Variants in GSG1L2 observed in about 807,000 individuals in gnomAD.
GSG1L2 encodes the protein GSG1 like 2, also known as germ cell-specific gene 1-like protein 2.
A neutral mutation model predicts 9.0 loss-of-function variants in GSG1L2; 15 were observed. That is an observed-to-expected ratio of 1.67 (90% confidence interval 1.12 to 2.57). GSG1L2 has a LOEUF of 2.57. GSG1L2 is among the 30% of genes most tolerant of loss of function. The pLI is 0.00. For missense variants in GSG1L2, 286 were observed against 150.3 expected, an observed-to-expected ratio of 1.90 and a Z score of -4.72; for synonymous variants, 127 against 57.9, an observed-to-expected ratio of 2.19 and a Z score of -5.41.
chr17:9,819,742 C>G (rs1474111541), intron 1 of GSG1L2, among the ~76,000 whole-genome samples: 2 of 152,064 alleles, frequency 1.3e-5, no homozygotes, highest in African/African-American at 4.8e-5. Context: ...AGGCGATTCT[C>G]CTGCCTCAGC....
In GSG1L2 at chr17:9,804,786, A is replaced by G. The variant is rs1397022364; in HGVS notation, c.624-2142T>C. On this transcript the variant is annotated intron_variant, in intron 4 of 4. Transcript: ENST00000399363. ...TTATCCTTGACAATCAAAGATGCCA[A>G]CGTTTGGGGGAAAGGTCCAACAACA... 3.9e-5 allele frequency: 6 copies of G among 152,238 alleles called. No individual in the cohort carries two copies. The East Asian group carries it at 1.2e-3, about 29-fold the overall frequency. The allele number at this position is 152,238 out of a possible 1,614,324, so 9.4% of individuals were successfully genotyped here. A position where few individuals can be genotyped will look rare whatever the true frequency, so the allele number is the denominator to read the frequency against.
At position 9,800,778 on chromosome 17, in the gene GSG1L2, T is replaced by A. The variant is rs571884821; in HGVS notation, c.*1608A>T. 6.6e-6 allele frequency among the ~76,000 whole-genome samples: 1 copy of A among 152,138 alleles called. No individual in the cohort carries two copies. The highest frequency in any genetic ancestry group is 1.5e-5 in the Non-Finnish European group (1 of 68,036). On this transcript the variant is annotated 3_prime_UTR_variant, in exon 5 of 5. Coordinates refer to ENST00000399363, the MANE Select transcript of GSG1L2 (RefSeq NM_001310219.2). ...CACAGGACCTGCCTACATGAATACA[T>A]AGGGATGAAAAACCATATGAAAGAA... is the stretch of plus-strand genomic sequence containing the variant.
chr17:9,813,631 C>CCTCA (rs1476446764), intron 1 of GSG1L2, among the ~76,000 whole-genome samples: 1 of 152,218 alleles, frequency 6.6e-6, no homozygotes, highest in East Asian at 1.9e-4. Flanking sequence ...ACACCTCAGT[C>CCTCA]CTCACACCCT....
At chr17:9,810,817 C>A in intron 1 of GSG1L2, 199 bp from the exon 2 acceptor site, 1 of 575,832 alleles carries the variant, frequency 1.7e-6, no homozygotes, top group Non-Finnish European at 3.1e-6. Flanking sequence ...ACGTAACACT[C>A]TTTGACCAAT....
chr17:9,821,776 C>T lies in GSG1L2; in HGVS notation c.296G>A (p.Ser99Asn), dbSNP rs28376468. ...GCTTTGCTCACCTTCACCGTTGAGGCTCTCCTCGCAGGACTGCCAGAGCCC... is the reference window on the plus strand; with the variant it reads ...GCTTTGCTCACCTTCACCGTTGAGGTTCTCCTCGCAGGACTGCCAGAGCCC... ...HVGLWQSCEE[S>N]LNGEDEKCRS... Residue 99 changes from serine (S) to asparagine (N), a missense_variant, in exon 1 of 5, where the codon AGC becomes AAC. By Grantham distance (46) the Ser-to-Asn change is conservative (BLOSUM62 1). Transcript: ENST00000399363. 0.27 allele frequency: 189,175 copies of T among 702,998 alleles called. 30,655 individuals carry two copies. Among genetic ancestry groups the T allele is most frequent in the Non-Finnish European group, 0.35 (134,474 of 384,804 alleles). The allele number at this position is 702,998 out of a possible 1,614,324, so 43.5% of individuals were successfully genotyped here.
chr17:9,816,062 G>A (rs2066558153), intron 1 of GSG1L2, among the ~76,000 whole-genome samples: 1 of 152,180 alleles, frequency 6.6e-6, no homozygotes, highest in Non-Finnish European at 1.5e-5. Flanking sequence ...TCTGTGAAGA[G>A]TCCTCCCCAG....
chr17:9,818,728 G>A (rs912239685), intron 1 of GSG1L2, among the ~76,000 whole-genome samples: 11 of 151,954 alleles, frequency 7.2e-5, no homozygotes, highest in Middle Eastern at 3.4e-3. Context: ...TAAACTATTC[G>A]TGGTAAATCC....
chr17:9,816,910 C>CTGTGTGTGTGTATCTG (rs2066569301), intron 1 of GSG1L2, among the ~76,000 whole-genome samples: 21 of 94,480 alleles, frequency 2.2e-4, no homozygotes, highest in Admixed American at 7.4e-4. Flanking sequence ...GTGTGTGTAT[C>CTGTGTGTGTGTATCTG]TGTGTGTGTG....
At position 9,821,777 on chromosome 17, in the gene GSG1L2, T is replaced by C; in HGVS notation, c.295A>G (p.Ser99Gly). Residue 99 changes from serine (S) to glycine (G), a missense_variant, in exon 1 of 5, where the codon AGC (serine) becomes GGC (glycine). Coordinates refer to ENST00000399363, the MANE Select transcript of GSG1L2 (RefSeq NM_001310219.2). The stretch of plus-strand genomic sequence containing the variant: ...CTTTGCTCACCTTCACCGTTGAGGC[T>C]CTCCTCGCAGGACTGCCAGAGCCCC... Reference protein sequence around the residue: ...HVGLWQSCEESLNGEDEKCRS... With the variant: ...HVGLWQSCEEGLNGEDEKCRS... 1 of 703,234 alleles carries C rather than the reference T, an allele frequency of 1.4e-6. No homozygotes were observed. The highest frequency in any genetic ancestry group is 2.6e-6 in the Non-Finnish European group (1 of 384,930). The allele number at this position is 703,234 out of a possible 1,614,324, so 43.6% of individuals were successfully genotyped here. A position where few individuals can be genotyped will look rare whatever the true frequency, so the allele number is the denominator to read the frequency against.
intron 4 of GSG1L2, chr17:9,804,155 A>C (rs533379288): frequency 5.2e-5 from 8 of 152,446 alleles, no homozygotes; most frequent in Admixed American, 4.6e-4. Context: ...GAGAGGGATG[A>C]CTAATTTATG....
chr17:9,813,353 C>T (rs886127307), intron 1 of GSG1L2, among the ~76,000 whole-genome samples: 3 of 152,124 alleles, frequency 2.0e-5, no homozygotes, highest in Non-Finnish European at 4.4e-5. Flanking sequence ...GACTCGAATG[C>T]GCAGCCAGGG....
intron 2 of GSG1L2, chr17:9,809,228 A>C (rs113849436): frequency 6.0e-5 from 29 of 486,408 alleles, no homozygotes; most frequent in African/African-American, 5.3e-4. Flanking sequence ...GAAACTAAGC[A>C]AAACCCTGCT....
chr17:9,808,722 G>T, intron 3 of GSG1L2, 108 bp downstream of exon 3: 1 of 619,264 alleles, frequency 1.6e-6, no homozygotes, highest in Non-Finnish European at 2.9e-6. Context: ...TGCTTAAATG[G>T]CCATTGATGG....
chr17:9,809,286 C>T (rs1448804527), intron 2 of GSG1L2: 1 of 389,042 alleles, frequency 2.6e-6, no homozygotes, highest in East Asian at 6.0e-5. Flanking sequence ...AGCTCAAAAA[C>T]TACCATTGTG....
chr17:9,810,847 G>T, intron 1 of GSG1L2: 1 of 561,002 alleles, frequency 1.8e-6, no homozygotes, highest in Non-Finnish European at 3.2e-6. Flanking sequence ...GCAAAAATGA[G>T]GTGGATCTGA....
At position 9,801,527 on chromosome 17, in the gene GSG1L2, T is replaced by C. The variant is rs2066496825; in HGVS notation, c.*859A>G. Among the ~76,000 whole-genome samples, 1 of 152,168 alleles carries C rather than the reference T, an allele frequency of 6.6e-6. No individual in the cohort carries two copies. Among genetic ancestry groups the C allele is most frequent in the African/African-American group, 2.4e-5 (1 of 41,440 alleles). On this transcript the variant is annotated 3_prime_UTR_variant, in exon 5 of 5. Coordinates refer to ENST00000399363, the MANE Select transcript of GSG1L2 (RefSeq NM_001310219.2). ...CACTACACCCACCCCCTTTCTTTTT[T>C]CAAAAAATCAAATTATGTGTGGAAC...
intron 1 of GSG1L2, among the ~76,000 whole-genome samples, chr17:9,813,191 C>T (rs1439104905): frequency 4.6e-5 from 7 of 152,188 alleles, no homozygotes; most frequent in Non-Finnish European, 8.8e-5. Flanking sequence ...TTAAGATTTG[C>T]CATGCCCATG....
chr17:9,806,370 A>T (rs950197359), intron 4 of GSG1L2, among the ~76,000 whole-genome samples: 2 of 152,192 alleles, frequency 1.3e-5, no homozygotes, highest in Non-Finnish European at 2.9e-5. Flanking sequence ...TACTAAGCAC[A>T]AACAGAATGA....
Position 9,821,958 on chromosome 17 carries a change from C to T in GSG1L2, c.114G>A (p.Val38=). ...GCTGGTCCTGGCACAGTGGCTTCAC[C>T]ACCCGTCGGGTCCCCTCACACCAGT... The part of the protein sequence containing the change: ...SSHWCEGTRR[V]VKPLCQDQPG... The change falls in exon 1 of 5, where the codon GTG becomes GTA. Residue 38 remains valine, a synonymous_variant. Transcript: ENST00000399363. The T allele has an allele frequency of 1.4e-6, 1 of 703,136 alleles. No individual in the cohort carries two copies. 43.6% of individuals were successfully genotyped at this position (703,136 alleles called of 1,614,324 possible). A position where few individuals can be genotyped will look rare whatever the true frequency, so the allele number is the denominator to read the frequency against.
Sources: allele counts gnomAD v4.1 joint callset (sites outside exome capture counted in the v4.1 genomes callset), GRCh38; gene constraint gnomAD v4.1.1; transcripts MANE v1.5; gene names NCBI Gene and HGNC (gene_info 2026-07-23, HGNC 2026-07-21).